Variants in PXDN observed in about 807,000 individuals in gnomAD.
PXDN encodes the protein peroxidasin.
Under a neutral mutation model 140.3 loss-of-function variants are expected in PXDN, and 77 were observed. The observed-to-expected ratio is 0.55, with a 90% CI of 0.46 to 0.66. The LOEUF is 0.66. Ranked by LOEUF, PXDN falls within the 30% of genes least tolerant of loss-of-function variation. The pLI, the probability that PXDN is intolerant of heterozygous loss-of-function variation, is 0.00. For missense variants in PXDN, 1,838 were observed against 2,039.5 expected (o/e 0.90, Z 1.90); for synonymous variants, 911 against 857.4 (o/e 1.06, Z -1.09).
chr2:1,730,433 TG>T (rs1239473830), intron 1 of PXDN, among the ~76,000 whole-genome samples: 1 of 152,166 alleles, frequency 6.6e-6, no homozygotes, highest in Non-Finnish European at 1.5e-5. Flanking sequence ...TGAGGGGTCC[TG>T]GGAGAGAAGG....
upstream of PXDN, chr2:1,744,583 G>T: frequency 1.3e-6 from 1 of 783,710 alleles, no homozygotes; most frequent in Non-Finnish European, 1.7e-6. Context: ...GTGCACATGC[G>T]CGAGGCTCCT....
intron 6 of PXDN, among the ~76,000 whole-genome samples, chr2:1,682,629 A>G (rs1683933615): frequency 6.6e-6 from 1 of 152,262 alleles, no homozygotes; most frequent in African/African-American, 2.4e-5. Flanking sequence ...AGCAAAAAGT[A>G]TATTTGGAAG....
chr2:1,644,327 T>C (rs1401139391), intron 18 of PXDN, among the ~76,000 whole-genome samples: 1 of 152,108 alleles, frequency 6.6e-6, no homozygotes, highest in Non-Finnish European at 1.5e-5. Flanking sequence ...TTTAGCTGTA[T>C]GGACTGTCCA....
intron 1 of PXDN, among the ~76,000 whole-genome samples, chr2:1,716,151 T>G (rs1684888584): frequency 6.6e-6 from 1 of 151,848 alleles, no homozygotes; most frequent in African/African-American, 2.4e-5. Context: ...AAAACCAGGG[T>G]GGTGGGCCGG....
rs1683269683 is a variant in PXDN at position 1,660,163 on chromosome 2, G to A, written c.1837+718C>T. On this transcript the variant is annotated intron_variant, in intron 14 of 22. Coordinates refer to ENST00000252804, the MANE Select transcript of PXDN (RefSeq NM_012293.3). This position sits in a 1 kb window ranked among gnomAD's most constrained non-coding sequence, Gnocchi z 4.6. ...CTCCATGCAAAGCTAAAGGGTGTGA[G>A]TGTCACCCTGGTGGCCACAGGAGAC... 6.6e-6 allele frequency among the ~76,000 whole-genome samples: 1 copy of A among 152,216 alleles called. No homozygotes were observed. Among genetic ancestry groups the A allele is most frequent in the Non-Finnish European group, 1.5e-5 (1 of 68,042 alleles).
At chr2:1,661,946 C>T in intron 13 of PXDN, 126 bp downstream of exon 13, 1 of 788,806 alleles carries the variant, frequency 1.3e-6, no homozygotes, top group South Asian at 1.7e-5. Flanking sequence ...TCATACCCCA[C>T]AGCAGAGGGG....
chr2:1,743,516 C>T (rs1685596692), intron 1 of PXDN, among the ~76,000 whole-genome samples: 1 of 147,046 alleles, frequency 6.8e-6, no homozygotes, highest in Non-Finnish European at 1.5e-5. Flanking sequence ...GCACTGGGAG[C>T]GGGGGCGCCG....
chr2:1,650,535 C>A (rs1682992131), intron 16 of PXDN, among the ~76,000 whole-genome samples: 1 of 152,184 alleles, frequency 6.6e-6, no homozygotes, highest in Admixed American at 6.5e-5. Flanking sequence ...GACACCTGCT[C>A]CAAGCAACAG....
intron 19 of PXDN, among the ~76,000 whole-genome samples, chr2:1,640,770 G>A (rs1262853262): frequency 6.6e-6 from 1 of 152,220 alleles, no homozygotes; most frequent in African/African-American, 2.4e-5. Flanking sequence ...TCACTGGCAG[G>A]TGGGGTCCAC....
chr2:1,712,787 C>A (rs1684814012), intron 1 of PXDN, among the ~76,000 whole-genome samples: 1 of 152,124 alleles, frequency 6.6e-6, no homozygotes, highest in Admixed American at 6.5e-5. Context: ...TGCAGTGGTG[C>A]AATCTCGGCT....
intron 21 of PXDN, chr2:1,636,267 C>T (rs541531016): frequency 1.2e-4 from 19 of 152,750 alleles, no homozygotes; most frequent in African/African-American, 4.6e-4. Flanking sequence ...CTGAAATGAA[C>T]ACAAATTATT....
intron 3 of PXDN, among the ~76,000 whole-genome samples, chr2:1,689,212 A>G (rs1428404403): frequency 6.6e-6 from 1 of 152,252 alleles, no homozygotes; most frequent in Non-Finnish European, 1.5e-5. Flanking sequence ...GTGTATATAT[A>G]TAAAGCTCTT....
At chr2:1,693,769 C>T (rs142003138) in intron 1 of PXDN, among the ~76,000 whole-genome samples, 42 of 152,252 alleles carry the variant, frequency 2.8e-4, no homozygotes, top group Non-Finnish European at 5.4e-4. Flanking sequence ...AGAGAGGATC[C>T]GAATAGCCCA....
At chr2:1,692,071 C>T (rs890384466) in intron 2 of PXDN, 72 bp from the exon 3 acceptor site, 17 of 1,133,430 alleles carry the variant, frequency 1.5e-5, no homozygotes, top group South Asian at 6.0e-5. Context: ...TAAAACATTC[C>T]GACAGCCTTG....
intron 21 of PXDN, 69 bp from the exon 22 acceptor site, chr2:1,635,590 G>T: frequency 8.8e-7 from 1 of 1,142,674 alleles, no homozygotes; most frequent in Non-Finnish European, 1.3e-6. Context: ...TGTATTAAAA[G>T]ATGTTATTTC....
Position 1,662,057 on chromosome 2 carries a change from C to G in PXDN, c.1680+15G>C. ...GTATCTGGGTGGTGGCTGGCTCGGG[C>G]ACCAGACCGCCTACCTTGTTCCAGG... is the stretch of plus-strand genomic sequence containing the variant. On this transcript the variant is annotated intron_variant, in intron 13 of 22. Transcript: ENST00000252804. 1 of 1,569,148 alleles carries G rather than the reference C, an allele frequency of 6.4e-7. No homozygotes were observed. Among genetic ancestry groups the G allele is most frequent in the Non-Finnish European group, 8.6e-7 (1 of 1,156,960 alleles).
chr2:1,677,469 C>T (rs1683748915), intron 7 of PXDN, among the ~76,000 whole-genome samples: 1 of 152,240 alleles, frequency 6.6e-6, no homozygotes, highest in Admixed American at 6.5e-5. Flanking sequence ...AAAGCACAGG[C>T]AGGTGGCAGA....
At chr2:1,694,581 G>C (rs1684257312) in intron 1 of PXDN, among the ~76,000 whole-genome samples, 2 of 152,184 alleles carry the variant, frequency 1.3e-5, no homozygotes, top group Admixed American at 1.3e-4. Flanking sequence ...GCTTTCCTCA[G>C]TGATACCCAC....
intron 18 of PXDN, among the ~76,000 whole-genome samples, chr2:1,644,071 C>CAAAAAAAAA: frequency 5.2e-5 from 2 of 38,448 alleles, no homozygotes; most frequent in Non-Finnish European, 8.3e-5. Context: ...GACTCTGTCT[C>CAAAAAAAAA]AAAAAAAAAA....
Sources: allele counts gnomAD v4.1 joint callset (sites outside exome capture counted in the v4.1 genomes callset), GRCh38; gene constraint gnomAD v4.1.1; non-coding constraint Gnocchi (gnomAD v3.1); transcripts MANE v1.5; gene names NCBI Gene and HGNC (gene_info 2026-07-23, HGNC 2026-07-21).